The following MARF1 variants were observed in gnomAD, a reference collection of about 807,000 sequenced individuals.
MARF1 encodes the protein limkain-b1.
A neutral mutation model predicts 168.2 loss-of-function variants in MARF1; 24 were observed. That is an observed-to-expected ratio of 0.14 (90% CI 0.10 to 0.20). MARF1 has a LOEUF of 0.20. Among genes scored for constraint, MARF1 ranks in the 10% least tolerant of loss-of-function variants. The probability of loss-of-function intolerance (pLI) is 1.00; values close to 1 mark genes in which losing one functional copy is unlikely to be tolerated. For missense variants in MARF1, 1,744 were observed against 2,143.6 expected, an observed-to-expected ratio of 0.81 and a Z score of 3.68; for synonymous variants, 868 against 822.4, an observed-to-expected ratio of 1.06 and a Z score of -0.95.
At chr16:15,600,861 A>G in intron 23 of MARF1, 160 bp from the exon 24 acceptor site, 1 of 766,976 alleles carries the variant, frequency 1.3e-6, no homozygotes, top group South Asian at 1.4e-5. Context: ...TTAGCTTTTA[A>G]AGCAACAGAA....
intron 2 of MARF1, 136 bp downstream of exon 2, chr16:15,638,947 TGGTATAA>T: frequency 1.6e-6 from 1 of 616,850 alleles, no homozygotes; most frequent in Non-Finnish European, 2.6e-6. Context: ...CATTATAATG[TGGTATAA>T]GAGGCAATAC....
chr16:15,640,498 G>C lies in MARF1; in HGVS notation c.-58-1207C>G, dbSNP rs918888938. Among the ~76,000 whole-genome samples, 8 of 152,314 alleles carry C rather than the reference G, an allele frequency of 5.3e-5. No homozygotes were observed. The East Asian group carries it at 5.8e-4, about 11-fold the overall frequency. ...GTGGGTGGATTGCTTGAGCCCAGGAGTTCCCAACCAGCCTGGGCAACATGG... is the reference window on the plus strand; with the variant it reads ...GTGGGTGGATTGCTTGAGCCCAGGACTTCCCAACCAGCCTGGGCAACATGG... On this transcript the variant is annotated intron_variant, in intron 1 of 26. Transcript: ENST00000396368.
chr16:15,624,884 C>G lies in MARF1; in HGVS notation c.2155G>C (p.Glu719Gln). 1 of 1,614,126 alleles carries G rather than the reference C, an allele frequency of 6.2e-7. No individual in the cohort carries two copies. The highest frequency in any genetic ancestry group is 1.3e-5 in the African/African-American group (1 of 75,042). Residue 719 changes from glutamate to glutamine, a missense_variant, in exon 10 of 27, where the codon GAG becomes CAG. Glu to Gln is a conservative substitution (Grantham distance 29). Around this residue, in one of 7 missense-constraint regions of MARF1, gnomAD observed 270 missense variants for 260.6 expected, o/e 1.04. Transcript: ENST00000396368. The part of the protein sequence containing the change: ...SARSVTSSPV[E>Q]KKDKEETVFQ... ...ACAGTCTCCTCTTTATCTTTTTTCT[C>G]TACAGGAGAACTGGTAACACTTCGG...
intron 22 of MARF1, chr16:15,602,623 A>AAGGAAAGAAGGAGGCAGAG (rs71293163): frequency 0.04 from 18,302 of 455,344 alleles, 735 homozygotes; most frequent in East Asian, 0.12. Flanking sequence ...GAGGAGGAGG[A>AAGGAAAGAAGGAGGCAGAG]AGGAAAGAAG....
intron 26 of MARF1, among the ~76,000 whole-genome samples, chr16:15,597,336 C>A (rs981596945): frequency 6.6e-6 from 1 of 152,134 alleles, no homozygotes; most frequent in Non-Finnish European, 1.5e-5. Context: ...GGGGTGGGGT[C>A]GGAGCATCTG....
intron 13 of MARF1, 98 bp from the exon 14 acceptor site, chr16:15,617,633 G>C: frequency 2.5e-6 from 2 of 789,742 alleles, no homozygotes; most frequent in South Asian, 3.3e-5. Flanking sequence ...ACCAAGAATG[G>C]TTCCTCCATC....
chr16:15,625,530 C>G lies in MARF1; in HGVS notation c.1795G>C (p.Ala599Pro). 6.2e-7 allele frequency: 1 copy of G among 1,614,232 alleles called. No individual in the cohort carries two copies. The highest frequency in any genetic ancestry group is 1.1e-5 in the South Asian group (1 of 91,084). The change falls in exon 8 of 27, where the codon GCT becomes CCT. Residue 599 changes from alanine (A) to proline (P), a missense_variant. By Grantham distance (27) the Ala-to-Pro change is conservative. Around this residue, in one of 7 missense-constraint regions of MARF1, gnomAD observed 270 missense variants for 260.6 expected, o/e 1.04. Coordinates refer to ENST00000396368, the MANE Select transcript of MARF1 (RefSeq NM_014647.4). Reference sequence around the variant, plus strand: ...TTTTTGGGAGACTTCACTTTATCAGCAATTGCATTTGAACTCTTTGTTTCA... The same window carrying G: ...TTTTTGGGAGACTTCACTTTATCAGGAATTGCATTTGAACTCTTTGTTTCA... ...LCETKSSNAI[A>P]DKVKSPKKLK...
At chr16:15,616,799 G>T (rs2151154229) in intron 15 of MARF1, 1 of 451,248 alleles carries the variant, frequency 2.2e-6, no homozygotes, top group Admixed American at 3.9e-5. Flanking sequence ...AATGGTATTT[G>T]TGTATCTAAT....
intron 26 of MARF1, among the ~76,000 whole-genome samples, chr16:15,597,956 G>T (rs562873821): frequency 6.6e-6 from 1 of 152,234 alleles, no homozygotes; most frequent in South Asian, 2.1e-4. Context: ...TCTTTTCCTG[G>T]GCAACAGTGC....
In MARF1 at chr16:15,625,559, A is replaced by C; in HGVS notation, c.1766T>G (p.Leu589Arg). The change falls in exon 8 of 27, where the codon CTC (leucine) becomes CGC (arginine). Residue 589 changes from leucine (L) to arginine (R), a missense_variant. By Grantham distance (102) the Leu-to-Arg change is moderately radical. This residue lies in a region of MARF1 where 270 missense variants were observed against 260.6 expected (regional missense o/e 1.04). Coordinates refer to ENST00000396368, the MANE Select transcript of MARF1 (RefSeq NM_014647.4). ...IVSFTPKNRE[L>R]CETKSSNAIA... is the part of the protein sequence containing the mutation. ...TGCATTTGAACTCTTTGTTTCACAG[A>C]GTTCTCTATTTTTTGGAGTAAATGA... is the stretch of plus-strand genomic sequence containing the variant. The C allele has an allele frequency of 6.2e-7, 1 of 1,614,146 alleles. No individual in the cohort carries two copies. Among genetic ancestry groups the C allele is most frequent in the East Asian group, 2.2e-5 (1 of 44,876 alleles).
At chr16:15,621,975 A>C (rs1170952708) in intron 11 of MARF1, 64 bp from the exon 12 acceptor site, 2 of 1,474,372 alleles carry the variant, frequency 1.4e-6, no homozygotes, top group Admixed American at 3.8e-5. Flanking sequence ...CTTAAAACTG[A>C]AGGTGAACCA....
At chr16:15,602,529 C>CGAT (rs759273965) in intron 22 of MARF1, 1 of 467,802 alleles carries the variant, frequency 2.1e-6, no homozygotes, top group South Asian at 1.8e-5. Context: ...ACGAAGACGA[C>CGAT]GATAAAGAAG....
chr16:15,635,225 G>A (rs2035505374), intron 3 of MARF1: 1 of 422,498 alleles, frequency 2.4e-6, no homozygotes, highest in Non-Finnish European at 4.2e-6. Flanking sequence ...ATAAAGGGTA[G>A]CAAAGTCTCA....
At chr16:15,601,026 AT>A (rs1468291073) in intron 23 of MARF1, 7 of 587,228 alleles carry the variant, frequency 1.2e-5, no homozygotes, top group African/African-American at 1.8e-5. Context: ...GCTCTTTGCC[AT>A]TTTTTTGCAG....
At chr16:15,601,373 G>C (rs890413559) in intron 23 of MARF1, 3 of 288,330 alleles carry the variant, frequency 1.0e-5, no homozygotes, top group Admixed American at 8.9e-5. Context: ...TGCTTCTCTC[G>C]GCTCTACCAT....
At chr16:15,640,934 T>TA (rs1465201215) in intron 1 of MARF1, among the ~76,000 whole-genome samples, 1 of 152,052 alleles carries the variant, frequency 6.6e-6, no homozygotes, top group Non-Finnish European at 1.5e-5. Flanking sequence ...TAAAATAAAA[T>TA]AAAGTTCAAA....
At chr16:15,615,740 T>C (rs969033442) in intron 16 of MARF1, 90 bp downstream of exon 16, 2 of 1,002,250 alleles carry the variant, frequency 2.0e-6, no homozygotes, top group Non-Finnish European at 2.7e-6. Flanking sequence ...ACTTGGCAAA[T>C]TGTGCTGCTG....
chr16:15,598,285 G>A (rs1322475865), intron 26 of MARF1, among the ~76,000 whole-genome samples: 1 of 152,160 alleles, frequency 6.6e-6, no homozygotes, highest in Non-Finnish European at 1.5e-5. Flanking sequence ...TTATTCCACG[G>A]CTCTCACCTG....
chr16:15,609,835 G>T, intron 19 of MARF1, 110 bp from the exon 20 acceptor site: 1 of 897,238 alleles, frequency 1.1e-6, no homozygotes, highest in Non-Finnish European at 1.7e-6. Context: ...TATCATCCTT[G>T]CCTTCCAAAC....
Sources: gnomAD v4.1 joint callset for allele counts (sites outside exome capture counted in the v4.1 genomes callset) on GRCh38, gnomAD v4.1.1 for gene constraint, gnomAD v4.1.1 regional missense constraint, MANE v1.5 for transcripts, NCBI Gene and HGNC (gene_info 2026-07-23, HGNC 2026-07-21) for gene names.